The following CABIN1 variants were observed in gnomAD, a reference collection of about 807,000 sequenced individuals.
CABIN1 encodes the protein calcineurin-binding protein cabin-1.
CABIN1 carries 133 observed loss-of-function variants against 227.7 expected under a neutral mutation model. The ratio of observed to expected loss-of-function variants is 0.58; its 90% CI spans 0.51 to 0.67. The LOEUF is 0.67. Among genes scored for constraint, CABIN1 ranks in the 30% least tolerant of loss-of-function variants. The pLI is 0.00. For synonymous variants in CABIN1, 1,086 were observed against 1,155.1 expected, an observed-to-expected ratio of 0.94 and a Z score of 1.21; for missense variants, 2,408 against 2,852.5, an observed-to-expected ratio of 0.84 and a Z score of 3.55.
At chr22:24,055,933 G>T (rs1454376081) in intron 9 of CABIN1, among the ~76,000 whole-genome samples, 1 of 152,186 alleles carries the variant, frequency 6.6e-6, no homozygotes, top group African/African-American at 2.4e-5. Context: ...TAAGGGTGTT[G>T]CTTGCTTTGT....
At chr22:24,057,420 C>T (rs2038884593) in intron 10 of CABIN1, among the ~76,000 whole-genome samples, 1 of 152,208 alleles carries the variant, frequency 6.6e-6, no homozygotes, top group South Asian at 2.1e-4. Flanking sequence ...ACTGGGCCAT[C>T]TGCCTTCTAA....
chr22:24,147,808 A>G (rs563441413), intron 29 of CABIN1, among the ~76,000 whole-genome samples: 1 of 152,124 alleles, frequency 6.6e-6, no homozygotes, highest in South Asian at 2.1e-4. Context: ...CCTGTTCTAC[A>G]TGCTTTGTCC....
intron 13 of CABIN1, 116 bp downstream of exon 13, chr22:24,062,141 A>AT: frequency 1.2e-6 from 1 of 847,050 alleles, no homozygotes; most frequent in East Asian, 2.6e-5. Flanking sequence ...CAGTAGGCAC[A>AT]TTTTTTGGGT....
At chr22:24,094,003 G>A (rs931160992) in intron 24 of CABIN1, among the ~76,000 whole-genome samples, 6 of 152,180 alleles carry the variant, frequency 3.9e-5, no homozygotes, top group Non-Finnish European at 7.3e-5. Flanking sequence ...GCTCATTCGC[G>A]GCGTTGGATC....
chr22:24,092,654 T>A (rs1422750723), intron 24 of CABIN1, among the ~76,000 whole-genome samples: 1 of 151,754 alleles, frequency 6.6e-6, no homozygotes, highest in African/African-American at 2.4e-5. Flanking sequence ...CTTGCTTTTT[T>A]CTGCCTTTGT....
At chr22:24,048,226 GT>G (rs2038046073) in intron 6 of CABIN1, among the ~76,000 whole-genome samples, 4 of 152,106 alleles carry the variant, frequency 2.6e-5, no homozygotes, top group African/African-American at 9.7e-5. Context: ...AATTCAATAA[GT>G]TTTATGTGTA....
intron 1 of CABIN1, among the ~76,000 whole-genome samples, chr22:24,029,852 C>T (rs1198010862): frequency 2.0e-5 from 3 of 152,168 alleles, no homozygotes; most frequent in Non-Finnish European, 1.5e-5. Flanking sequence ...AAGTATGCCT[C>T]AGTTCAGTAT....
chr22:24,092,418 T>C (rs997385732), intron 24 of CABIN1, among the ~76,000 whole-genome samples: 3 of 152,190 alleles, frequency 2.0e-5, no homozygotes, highest in African/African-American at 4.8e-5. Flanking sequence ...CTGTTGCTTA[T>C]AGCAGTCTTG....
intron 25 of CABIN1, 120 bp downstream of exon 25, chr22:24,096,202 TGGAGTCCCTA>T: frequency 2.5e-6 from 3 of 1,189,982 alleles, no homozygotes; most frequent in South Asian, 2.5e-5. Flanking sequence ...CTAGAACTCA[TGGAGTCCCTA>T]GGACCCATCT....
chr22:24,148,499 A>G (rs562005402), intron 29 of CABIN1, among the ~76,000 whole-genome samples: 6 of 152,172 alleles, frequency 3.9e-5, no homozygotes, highest in Non-Finnish European at 7.3e-5. Context: ...GGCTCTGAAG[A>G]CCATAGCACC....
intron 34 of CABIN1, among the ~76,000 whole-genome samples, chr22:24,175,421 G>A (rs2047050243): frequency 6.6e-6 from 1 of 152,262 alleles, no homozygotes; most frequent in Non-Finnish European, 1.5e-5. Flanking sequence ...AGGCGGTGGG[G>A]TGGCTGGAAA....
intron 27 of CABIN1, among the ~76,000 whole-genome samples, chr22:24,118,066 A>AG (rs1298575421): frequency 6.6e-6 from 1 of 151,850 alleles, no homozygotes; most frequent in Non-Finnish European, 1.5e-5. Context: ...CTCAAAGGGT[A>AG]GGGGGAGGGG....
chr22:24,106,766 G>A (rs1195724060), intron 26 of CABIN1, among the ~76,000 whole-genome samples: 5 of 152,232 alleles, frequency 3.3e-5, no homozygotes, highest in Admixed American at 1.3e-4. Context: ...AGGAATGGAG[G>A]CTGGGGCACT....
At chr22:24,168,179 G>A (rs938508658) in intron 32 of CABIN1, among the ~76,000 whole-genome samples, 7 of 152,240 alleles carry the variant, frequency 4.6e-5, no homozygotes, top group African/African-American at 1.7e-4. Flanking sequence ...ACCAGTACCT[G>A]GTGGTGTGGC....
chr22:24,096,073 C>T lies in CABIN1; in HGVS notation c.3929C>T (p.Ala1310Val), dbSNP rs1177683533. 6.2e-7 allele frequency: 1 copy of T among 1,614,132 alleles called. No individual in the cohort carries two copies. Among genetic ancestry groups the T allele is most frequent in the Non-Finnish European group, 8.5e-7 (1 of 1,179,980 alleles). ...ARGEEKNTPK[A>V]SEKEKACLVD... ...GGCGAGGAGAAGAACACACCCAAAG[C>T]TTCAGAAAAGTGAGTAGCACCCTTC... is the stretch of plus-strand genomic sequence containing the variant. The change falls in exon 25 of 37, where the codon GCT becomes GTT. Residue 1310 changes from alanine to valine, a missense_variant. By Grantham distance (64) the Ala-to-Val change is moderately conservative (BLOSUM62 0). Transcript: ENST00000263119.
intron 33 of CABIN1, 108 bp downstream of exon 33, chr22:24,168,629 G>A (rs2046600613): frequency 1.0e-6 from 1 of 958,192 alleles, no homozygotes; most frequent in African/African-American, 1.6e-5. Context: ...TGTTCTTGTG[G>A]TCAGCTTGGG....
At chr22:24,156,629 T>C (rs1461522942) in intron 29 of CABIN1, 6 of 152,354 alleles carry the variant, frequency 3.9e-5, no homozygotes, top group African/African-American at 1.4e-4. Flanking sequence ...GGTGCTTCGC[T>C]AGCTATAAAT....
At chr22:24,036,729 T>C (rs951151467) in intron 3 of CABIN1, among the ~76,000 whole-genome samples, 1 of 152,166 alleles carries the variant, frequency 6.6e-6, no homozygotes, top group Non-Finnish European at 1.5e-5. Flanking sequence ...GTAATAAGAG[T>C]TTGCTCCTGC....
At chr22:24,056,450 C>T in intron 10 of CABIN1, 90 bp downstream of exon 10, 1 of 1,242,002 alleles carries the variant, frequency 8.1e-7, no homozygotes, top group South Asian at 1.2e-5. Flanking sequence ...TTGCCACCCT[C>T]TTCTCTGGTC....
Sources: gnomAD v4.1 joint callset for allele counts (sites outside exome capture counted in the v4.1 genomes callset) on GRCh38, gnomAD v4.1.1 for gene constraint, MANE v1.5 for transcripts, NCBI Gene and HGNC (gene_info 2026-07-23, HGNC 2026-07-21) for gene names.